Variants in DST observed in about 807,000 individuals in gnomAD.
The protein encoded by DST is dystonin.
A neutral mutation model predicts 875.2 loss-of-function variants in DST; 253 were observed. The observed-to-expected ratio is 0.29, with a 90% CI of 0.26 to 0.32. DST has a LOEUF of 0.32. Ranked by LOEUF, DST falls within the 10% of genes least tolerant of loss-of-function variation. The pLI, the probability that DST is intolerant of heterozygous loss-of-function variation, is 1.00. For missense variants in DST, 8,287 were observed against 9,111.6 expected (o/e 0.91, Z 3.68); for synonymous variants, 3,124 against 3,197.1 (o/e 0.98, Z 0.77).
intron 93 of DST, 141 bp downstream of exon 93, chr6:56,473,732 C>T (rs571613533): frequency 2.5e-5 from 19 of 757,982 alleles, no homozygotes; most frequent in African/African-American, 1.1e-4. Context: ...CTTGAGCACA[C>T]GTATTCCTTC....
In DST at chr6:56,606,661, T is replaced by C. The variant is rs750274317; in HGVS notation, c.7967A>G (p.Asp2656Gly). Residue 2656 changes from aspartate (D) to glycine (G), a missense_variant, in exon 40 of 104, where the codon GAT becomes GGT. Physicochemically the swap from Asp to Gly is moderately conservative, Grantham distance 94. This residue lies in a region of DST where 3,138 missense variants were observed against 3,116.6 expected (regional missense o/e 1.01). Coordinates refer to ENST00000680361, the MANE Select transcript of DST (RefSeq NM_001374736.1). ...CTCTTTTGAGACATCATAAAAAACA[T>C]CAGCAGGAGAAGCCGTCTCATCATT... Reference protein sequence around the residue: ...EENDETASPADVFYDVSKENE... With the variant: ...EENDETASPAGVFYDVSKENE... 6.2e-7 allele frequency: 1 copy of C among 1,613,626 alleles called. No individual in the cohort carries two copies. The highest frequency in any genetic ancestry group is 8.5e-7 in the Non-Finnish European group (1 of 1,179,650).
chr6:56,777,646 A>G (rs182549360), intron 4 of DST, among the ~76,000 whole-genome samples: 162 of 152,168 alleles, frequency 1.1e-3, no homozygotes, highest in Non-Finnish European at 5.7e-4. Context: ...TATTACACTA[A>G]TGGGGTCTCT....
chr6:56,655,589 T>C (rs2099003275), intron 10 of DST, among the ~76,000 whole-genome samples: 1 of 152,206 alleles, frequency 6.6e-6, no homozygotes, highest in African/African-American at 2.4e-5. Context: ...CTACCCTGCA[T>C]CTGCTTTCCT....
chr6:56,944,108 C>A (rs1279868200), intron 2 of DST, among the ~76,000 whole-genome samples: 1 of 152,040 alleles, frequency 6.6e-6, no homozygotes, highest in East Asian at 1.9e-4. Flanking sequence ...CAGAGAGAGA[C>A]CCTGTCTCAA....
intron 4 of DST, among the ~76,000 whole-genome samples, chr6:56,780,168 T>C (rs986028087): frequency 6.6e-6 from 1 of 151,894 alleles, no homozygotes; most frequent in African/African-American, 2.4e-5. Flanking sequence ...CTATTGTGAA[T>C]AGTGCCACAA....
intron 21 of DST, 32 bp downstream of exon 21, chr6:56,639,418 C>A (rs1270259383): frequency 1.9e-6 from 3 of 1,613,034 alleles, no homozygotes; most frequent in Non-Finnish European, 2.5e-6. Flanking sequence ...TAAAATGCAA[C>A]CCTAGTATGC....
At chr6:56,939,970 G>A (rs1815481198) in intron 2 of DST, among the ~76,000 whole-genome samples, 1 of 151,896 alleles carries the variant, frequency 6.6e-6, no homozygotes, top group Admixed American at 6.6e-5. Context: ...AGGTTGCAGT[G>A]AGCCGAGATC....
At chr6:56,593,586 G>T in intron 48 of DST, 77 bp downstream of exon 48, 5 of 1,204,102 alleles carry the variant, frequency 4.2e-6, no homozygotes, top group Non-Finnish European at 5.5e-6. Context: ...TAGGTTTCTT[G>T]CCTCTTGTTC....
rs953361391 is a variant in DST, at chr6:56,561,205, G to C, written c.14310+103C>G. The C allele has an allele frequency of 2.3e-6, 3 of 1,277,634 alleles. No individual in the cohort carries two copies. The Admixed American group carries it at 8.1e-5, about 35-fold the overall frequency. 79.1% of individuals were successfully genotyped at this position (1,277,634 alleles called of 1,614,324 possible). A position where few individuals can be genotyped will look rare whatever the true frequency, so the allele number is the denominator to read the frequency against. ...TCAATTATGTGCTAAAGGTTACAGA[G>C]CTAGAAAAGAAAACAGAGCAGAGCT... On this transcript the variant is annotated intron_variant, in intron 57 of 103. Coordinates refer to ENST00000680361, the MANE Select transcript of DST (RefSeq NM_001374736.1).
chr6:56,710,772 G>A (rs572327486), intron 5 of DST, among the ~76,000 whole-genome samples: 2 of 152,208 alleles, frequency 1.3e-5, no homozygotes, highest in African/African-American at 4.8e-5. Flanking sequence ...AGTTGTGAAA[G>A]AATAAAACTA....
chr6:56,912,706 C>T (rs576841946), intron 2 of DST, among the ~76,000 whole-genome samples: 2 of 152,326 alleles, frequency 1.3e-5, no homozygotes, highest in African/African-American at 4.8e-5. Flanking sequence ...CACCAGGCAC[C>T]TTCCATCTAT....
chr6:56,688,062 A>G (rs1183364884), intron 9 of DST, among the ~76,000 whole-genome samples: 1 of 152,200 alleles, frequency 6.6e-6, no homozygotes, highest in Admixed American at 6.5e-5. Context: ...CATTTAACTT[A>G]AAAGGCAGAG....
intron 19 of DST, 23 bp from the exon 20 acceptor site, chr6:56,639,796 C>T: frequency 9.3e-6 from 15 of 1,606,568 alleles, no homozygotes; most frequent in Non-Finnish European, 1.3e-5. Context: ...ATTAAAAAGA[C>T]ACTCCAGTCA....
At chr6:56,674,650 A>C (rs956403241) in intron 9 of DST, among the ~76,000 whole-genome samples, 2 of 152,202 alleles carry the variant, frequency 1.3e-5, no homozygotes, top group African/African-American at 4.8e-5. Flanking sequence ...TCCAAAACAG[A>C]AATCAAGAAA....
At chr6:56,722,503 C>T (rs539169982) in intron 5 of DST, among the ~76,000 whole-genome samples, 2 of 152,302 alleles carry the variant, frequency 1.3e-5, no homozygotes, top group South Asian at 4.1e-4. Context: ...CCTGCCTCAG[C>T]CTCCTGAGTA....
intron 3 of DST, among the ~76,000 whole-genome samples, chr6:56,862,814 G>A (rs1292573987): frequency 6.6e-6 from 1 of 152,154 alleles, no homozygotes; most frequent in African/African-American, 2.4e-5. Flanking sequence ...GGCTGAGGCT[G>A]CTAGGGTAAG....
At chr6:56,875,140 C>T (rs1286015087) in intron 3 of DST, among the ~76,000 whole-genome samples, 4 of 152,120 alleles carry the variant, frequency 2.6e-5, no homozygotes, top group Admixed American at 6.5e-5. Context: ...CCCGCCACCA[C>T]GCCCGGCTAA....
At chr6:56,615,723 C>T (rs370425519) in intron 36 of DST, 1 of 1,614,072 alleles carries the variant, frequency 6.2e-7, no homozygotes, top group Non-Finnish European at 8.5e-7. Context: ...ATAATACCTA[C>T]TTGGAGAGCC....
chr6:56,622,964 C>G (rs369373800), intron 36 of DST, among the ~76,000 whole-genome samples: 12 of 151,812 alleles, frequency 7.9e-5, no homozygotes, highest in Admixed American at 3.3e-4. Context: ...CTTCAAACCT[C>G]AGTTGCAGAA....
Sources: allele counts gnomAD v4.1 joint callset (sites outside exome capture counted in the v4.1 genomes callset), GRCh38; gene constraint gnomAD v4.1.1; regional missense constraint gnomAD v4.1.1; transcripts MANE v1.5; gene names NCBI Gene and HGNC (gene_info 2026-07-23, HGNC 2026-07-21).